The following PHKG2 variants were observed in gnomAD, a reference collection of about 807,000 sequenced individuals.
PHKG2 encodes the protein phosphorylase b kinase gamma catalytic chain, liver/testis isoform.
Under a neutral mutation model 44.5 loss-of-function variants are expected in PHKG2, and 28 were observed. The ratio of observed to expected loss-of-function variants is 0.63; its 90% CI spans 0.47 to 0.86. The LOEUF is 0.86. Ranked by LOEUF, PHKG2 falls within the 40% of genes least tolerant of loss-of-function variation. The probability of loss-of-function intolerance (pLI) is 0.00; values close to 1 mark genes in which losing one functional copy is unlikely to be tolerated. For synonymous variants in PHKG2, 220 were observed against 211.2 expected, an observed-to-expected ratio of 1.04 and a Z score of -0.36; for missense variants, 498 against 547.5, an observed-to-expected ratio of 0.91 and a Z score of 0.90.
chr16:30,755,032 G>T (rs1567262500), intron 6 of PHKG2: 2 of 406,362 alleles, frequency 4.9e-6, no homozygotes, highest in Non-Finnish European at 1.0e-5. Flanking sequence ...CATGGAACAA[G>T]GTTCAGAAAG....
At chr16:30,749,821 T>A (rs1427642973) in intron 2 of PHKG2, among the ~76,000 whole-genome samples, 1 of 152,126 alleles carries the variant, frequency 6.6e-6, no homozygotes, top group African/African-American at 2.4e-5. Context: ...CCACCCGAAG[T>A]GACTGAAATT....
rs1555466853 is a variant in PHKG2, at chr16:30,749,106, C to CTGCTGGTGCTGCTGG, written c.95+199_95+200insCTGCTGGTGCTGGTG. Among the ~76,000 whole-genome samples the CTGCTGGTGCTGCTGG allele has an allele frequency of 3.8e-4, 19 of 50,528 alleles. 3 individuals carry two copies. Among genetic ancestry groups the CTGCTGGTGCTGCTGG allele is most frequent in the African/African-American group, 2.3e-3 (18 of 7,788 alleles). 33.1% of individuals were successfully genotyped at this position (50,528 alleles called of 152,430 possible). A position where few individuals can be genotyped will look rare whatever the true frequency, so the allele number is the denominator to read the frequency against. On this transcript the variant is annotated intron_variant, in intron 2 of 9. Transcript: ENST00000563588. ...GGTGGTGGTGCTGCTGCTGCTGCTG[C>CTGCTGGTGCTGCTGG]TGCTGGTGGTGCTGGTGCTGGTGGT...
In PHKG2 at chr16:30,748,922, C is replaced by G; in HGVS notation, c.95+7C>G. The G allele has an allele frequency of 6.5e-7, 1 of 1,549,704 alleles. No individual in the cohort carries two copies. Among genetic ancestry groups the G allele is most frequent in the Non-Finnish European group, 8.7e-7 (1 of 1,145,330 alleles). On this transcript the variant is annotated splice_region_variant and intron_variant, in intron 2 of 9. Coordinates refer to ENST00000563588, the MANE Select transcript of PHKG2 (RefSeq NM_000294.3). ...CTAAGGACGTCATCGGCAGGTAAGG[C>G]CGCGGCCAGGGAAACGGAGGTCCAA...
Position 30,757,705 on chromosome 16 carries a change from A to G in PHKG2, c.*608A>G. The stretch of plus-strand genomic sequence containing the variant: ...GGGTGAGGAGAGATGCTGTCTGGCA[A>G]TGGGGGGATGGTCCCTAGTTGGGCA... On this transcript the variant is annotated 3_prime_UTR_variant, in exon 10 of 10. Coordinates refer to ENST00000563588, the MANE Select transcript of PHKG2 (RefSeq NM_000294.3). The G allele has an allele frequency of 2.6e-6, 4 of 1,554,804 alleles. No homozygotes were observed. Among genetic ancestry groups the G allele is most frequent in the Non-Finnish European group, 1.7e-6 (2 of 1,149,126 alleles).
At chr16:30,750,777 T>C (rs2053333312) in intron 2 of PHKG2, among the ~76,000 whole-genome samples, 2 of 9,638 alleles carry the variant, frequency 2.1e-4, no homozygotes, top group African/African-American at 2.2e-4. Context: ...GAGGGAGACT[T>C]AGATCTTTCT....
Position 30,756,262 on chromosome 16 carries a change from G to T in PHKG2, c.637G>T (p.Glu213Ter). The T allele has an allele frequency of 6.2e-7, 1 of 1,614,124 alleles. No homozygotes were observed. Residue 213 changes from glutamate to a stop codon, truncating the protein, a stop_gained, in exon 7 of 10, where the codon GAG (glutamate) becomes TAG (stop). Coordinates refer to ENST00000563588, the MANE Select transcript of PHKG2 (RefSeq NM_000294.3). LOFTEE classifies it high-confidence loss of function. Reference sequence around the variant, plus strand: ...TGAAACCCACCCAGGCTATGGCAAGGAGGTCGACCTGTGAGTTCCTGGTCT... The same window carrying T: ...TGAAACCCACCCAGGCTATGGCAAGTAGGTCGACCTGTGAGTTCCTGGTCT... ...MDETHPGYGK[E>*]VDLWACGVIL...
At position 30,749,204 on chromosome 16, in the gene PHKG2, G is replaced by GGTGCTGGTGGTGGT. The variant is rs1555466890; in HGVS notation, c.95+292_95+293insCTGGTGGTGGTGTG. Among the ~76,000 whole-genome samples the GGTGCTGGTGGTGGT allele has an allele frequency of 5.4e-5, 5 of 91,920 alleles. 1 individual carries two copies. Among genetic ancestry groups the GGTGCTGGTGGTGGT allele is most frequent in the African/African-American group, 2.3e-4 (5 of 21,944 alleles). 60.3% of individuals were successfully genotyped at this position (91,920 alleles called of 152,430 possible). On this transcript the variant is annotated intron_variant, in intron 2 of 9. Transcript: ENST00000563588. ...TGGTGCTGGTGGTGGTGCTGGTGGT[G>GGTGCTGGTGGTGGT]GTGTGTGTGTGTGTGTGTGTCTTTC...
rs145746592 is a variant in PHKG2, at chr16:30,757,057, C to G, written c.1181C>G (p.Ala394Gly). 3 of 1,612,986 alleles carry G rather than the reference C, an allele frequency of 1.9e-6. No individual in the cohort carries two copies. The African/African-American group carries it at 4.0e-5, about 22-fold the overall frequency. ...IMGPEEEGDS[A>G]AITEDEAVLV... ...GGCCCTGAAGAGGAGGGAGACTCTG[C>G]TGCTATAACTGAGGATGAGGCCGTG... is the stretch of plus-strand genomic sequence containing the variant. Residue 394 changes from alanine (A) to glycine (G), a missense_variant, in exon 10 of 10, where the codon GCT becomes GGT. Coordinates refer to ENST00000563588, the MANE Select transcript of PHKG2 (RefSeq NM_000294.3).
chr16:30,753,786 G>C (rs2053382453), intron 6 of PHKG2, among the ~76,000 whole-genome samples: 1 of 152,198 alleles, frequency 6.6e-6, no homozygotes, highest in East Asian at 1.9e-4. Context: ...TGCACAGTGG[G>C]CAGAGGGCCA....
chr16:30,748,809 G>T lies in PHKG2; in HGVS notation c.-12G>T. Reference sequence around the variant, plus strand: ...GCCCTCCTCCTCCGCGCAGGCCCCCGCCTCCTTCAGGATGACGCTGGACGT... The same window carrying T: ...GCCCTCCTCCTCCGCGCAGGCCCCCTCCTCCTTCAGGATGACGCTGGACGT... On this transcript the variant is annotated 5_prime_UTR_variant, in exon 2 of 10. Transcript: ENST00000563588. 1 of 1,544,552 alleles carries T rather than the reference G, an allele frequency of 6.5e-7. No homozygotes were observed. The highest frequency in any genetic ancestry group is 8.8e-7 in the Non-Finnish European group (1 of 1,141,692).
In PHKG2 at chr16:30,759,877, A is replaced by G. The variant is rs2053628807; in HGVS notation, c.*2780A>G. The G allele has an allele frequency of 4.5e-5, 65 of 1,450,218 alleles. No homozygotes were observed. Among genetic ancestry groups the G allele is most frequent in the Non-Finnish European group, 5.7e-5 (63 of 1,105,606 alleles). The allele number at this position is 1,450,218 out of a possible 1,614,324, so 89.8% of individuals were successfully genotyped here. A position where few individuals can be genotyped will look rare whatever the true frequency, so the allele number is the denominator to read the frequency against. On this transcript the variant is annotated 3_prime_UTR_variant, in exon 10 of 10. Transcript: ENST00000563588. ...CCTTAACTCATGTAACAAATACTGA[A>G]TACCCACTATATGCCCACTGTATGG...
rs2053379899 is a variant in PHKG2, at chr16:30,753,570, A to G, written c.556+13A>G. On this transcript the variant is annotated intron_variant, in intron 6 of 9. Transcript: ENST00000563588. ...GAGAAGCTTCGAGGTGAGGGGATCT[A>G]GTGCCCTAATAGGCTTGGGAGGGGA... 3.1e-6 allele frequency: 5 copies of G among 1,613,514 alleles called. No homozygotes were observed. Among genetic ancestry groups the G allele is most frequent in the Non-Finnish European group, 4.2e-6 (5 of 1,179,446 alleles).
rs759760912 is a variant in PHKG2 at position 30,759,296 on chromosome 16, G to T, written c.*2199G>T. The T allele has an allele frequency of 1.5e-5, 25 of 1,613,062 alleles. No homozygotes were observed. In the South Asian group the frequency reaches 2.7e-4, roughly 18 times the overall value. Reference sequence around the variant, plus strand: ...CTGAAAGGAGTGCACCTGTGCTGAGGGGAGGGGCGGTTGAGGGTGGCTCCT... The same window carrying T: ...CTGAAAGGAGTGCACCTGTGCTGAGTGGAGGGGCGGTTGAGGGTGGCTCCT... On this transcript the variant is annotated 3_prime_UTR_variant, in exon 10 of 10. Coordinates refer to ENST00000563588, the MANE Select transcript of PHKG2 (RefSeq NM_000294.3).
chr16:30,758,874 T>G lies in PHKG2; in HGVS notation c.*1777T>G, dbSNP rs971912054. On this transcript the variant is annotated 3_prime_UTR_variant, in exon 10 of 10. Coordinates refer to ENST00000563588, the MANE Select transcript of PHKG2 (RefSeq NM_000294.3). The stretch of plus-strand genomic sequence containing the variant: ...TGCAGCTGTGCTTTTATCTGTCATC[T>G]TGGACTTCTGCATAAGGGATCATTT... The G allele has an allele frequency of 7.0e-7, 1 of 1,419,650 alleles. No homozygotes were observed. The highest frequency in any genetic ancestry group is 1.4e-5 in the African/African-American group (1 of 70,302). 87.9% of individuals were successfully genotyped at this position (1,419,650 alleles called of 1,614,324 possible). A position where few individuals can be genotyped will look rare whatever the true frequency, so the allele number is the denominator to read the frequency against.
rs1231653163 is a variant in PHKG2, at chr16:30,756,867, C to G, written c.991C>G (p.Leu331Val). 2 of 1,614,164 alleles carry G rather than the reference C, an allele frequency of 1.2e-6. No homozygotes were observed. Among genetic ancestry groups the G allele is most frequent in the East Asian group, 4.5e-5 (2 of 44,886 alleles). The change falls in exon 10 of 10, where the codon CTG becomes GTG. Residue 331 changes from leucine (L) to valine (V), a missense_variant. Coordinates refer to ENST00000563588, the MANE Select transcript of PHKG2 (RefSeq NM_000294.3). ...CCTAAGCACCCATCGTGTACGGCCACTGACCAAGAATGCACTGTTGAGGGA... is the reference window on the plus strand; with the variant it reads ...CCTAAGCACCCATCGTGTACGGCCAGTGACCAAGAATGCACTGTTGAGGGA... ...VALSTHRVRPLTKNALLRDPY... is the reference protein window; with the variant it reads ...VALSTHRVRPVTKNALLRDPY...
In PHKG2 at chr16:30,749,091, C is replaced by CTGG. The variant is rs1567259498; in HGVS notation, c.95+178_95+179insGTG. On this transcript the variant is annotated intron_variant, in intron 2 of 9. Transcript: ENST00000563588. ...GGTGGTGGTGGTGGTGGTGGTGGTG[C>CTGG]TGCTGCTGCTGCTGCTGCTGGTGGT... Among the ~76,000 whole-genome samples the CTGG allele has an allele frequency of 1.8e-3, 22 of 12,238 alleles. 3 individuals carry two copies. The highest frequency in any genetic ancestry group is 3.5e-3 in the South Asian group (1 of 284). The allele number at this position is 12,238 out of a possible 152,430, so 8.0% of individuals were successfully genotyped here.
intron 2 of PHKG2, among the ~76,000 whole-genome samples, chr16:30,750,604 G>A (rs550310560): frequency 3.9e-5 from 6 of 152,298 alleles, no homozygotes; most frequent in African/African-American, 1.4e-4. Flanking sequence ...CTTATGTCAG[G>A]GGACCACTTA....
At position 30,758,764 on chromosome 16, in the gene PHKG2, A is replaced by G. The variant is rs2053542069; in HGVS notation, c.*1667A>G. The G allele has an allele frequency of 7.1e-6, 4 of 566,138 alleles. No homozygotes were observed. The highest frequency in any genetic ancestry group is 1.2e-5 in the Non-Finnish European group (4 of 326,816). The allele number at this position is 566,138 out of a possible 1,614,324, so 35.1% of individuals were successfully genotyped here. ...GATAGGGGGTTTCACGGTGTTGCCC[A>G]GGCTGGTCGCGAACTCCTGAGCTCA... is the stretch of plus-strand genomic sequence containing the variant. On this transcript the variant is annotated 3_prime_UTR_variant, in exon 10 of 10. Coordinates refer to ENST00000563588, the MANE Select transcript of PHKG2 (RefSeq NM_000294.3).
At chr16:30,750,320 T>G (rs906279169) in intron 2 of PHKG2, among the ~76,000 whole-genome samples, 18 of 152,160 alleles carry the variant, frequency 1.2e-4, no homozygotes, top group African/African-American at 4.3e-4. Context: ...GTGGCCGAAT[T>G]CCCAAGTGAG....
Sources: gnomAD v4.1 joint callset for allele counts (sites outside exome capture counted in the v4.1 genomes callset) on GRCh38, gnomAD v4.1.1 for gene constraint, MANE v1.5 for transcripts, NCBI Gene and HGNC (gene_info 2026-07-23, HGNC 2026-07-21) for gene names.